The following OLFML1 variants were observed in gnomAD, a reference collection of about 807,000 sequenced individuals.
OLFML1 encodes olfactomedin-like protein 1.
A neutral mutation model predicts 37.3 loss-of-function variants in OLFML1; 33 were observed. The observed-to-expected ratio is 0.88, with a 90% CI of 0.67 to 1.18. The LOEUF (loss-of-function observed/expected upper bound fraction) is 1.18, where lower values mean the gene tolerates loss of function less well. OLFML1 is among the 50% of genes most tolerant of loss of function. OLFML1 has a pLI of 0.00. For synonymous variants in OLFML1, 186 were observed against 181.3 expected, an observed-to-expected ratio of 1.03 and a Z score of -0.21; for missense variants, 545 against 483.7, an observed-to-expected ratio of 1.13 and a Z score of -1.19.
rs2134191280 is a variant in OLFML1 at position 7,510,865 on chromosome 11, G to A, written c.*677G>A. ...TCCCCTAGCCCTGTCCTTCCACTAA[G>A]CTTGGTAGATGTAATAATAAAGTGA... On this transcript the variant is annotated 3_prime_UTR_variant, in exon 3 of 3. Coordinates refer to ENST00000329293, the MANE Select transcript of OLFML1 (RefSeq NM_198474.4). The A allele has an allele frequency of 6.6e-6, 1 of 152,270 alleles. No homozygotes were observed. The highest frequency in any genetic ancestry group is 2.1e-4 in the South Asian group (1 of 4,826). 9.4% of individuals were successfully genotyped at this position (152,270 alleles called of 1,614,324 possible). A position where few individuals can be genotyped will look rare whatever the true frequency, so the allele number is the denominator to read the frequency against.
At chr11:7,502,832 C>T (rs1289022899) in intron 2 of OLFML1, among the ~76,000 whole-genome samples, 1 of 152,148 alleles carries the variant, frequency 6.6e-6, no homozygotes, top group Non-Finnish European at 1.5e-5. Context: ...TCTTGAACCC[C>T]TGACCTTAGG....
Position 7,488,329 on chromosome 11 carries a change from G to A in OLFML1, c.332G>A (p.Cys111Tyr). 2 of 1,614,068 alleles carry A rather than the reference G, an allele frequency of 1.2e-6. No individual in the cohort carries two copies. The highest frequency in any genetic ancestry group is 2.2e-5 in the East Asian group (1 of 44,876). ...YIQYLREADE[C>Y]IESEDKTLAE... ...CAATACCTTCGAGAGGCTGACGAGT[G>A]CATCGAATCAGAGGACAAGACACTG... Residue 111 changes from cysteine to tyrosine, a missense_variant, in exon 2 of 3, where the codon TGC (cysteine) becomes TAC (tyrosine). Coordinates refer to ENST00000329293, the MANE Select transcript of OLFML1 (RefSeq NM_198474.4).
rs148992028 is a variant in OLFML1 at position 7,510,237 on chromosome 11, C to T, written c.*49C>T. 3,098 of 1,466,528 alleles carry T rather than the reference C, an allele frequency of 2.1e-3. 8 individuals carry two copies. The highest frequency in any genetic ancestry group is 1.9e-3 in the Non-Finnish European group (2,096 of 1,081,342). 90.8% of individuals were successfully genotyped at this position (1,466,528 alleles called of 1,614,324 possible). A position where few individuals can be genotyped will look rare whatever the true frequency, so the allele number is the denominator to read the frequency against. ...CACTGTGGCTTTGGCAGCTGTTCTA[C>T]AGGACAGTGAGGCTATAGCCCCTTC... On this transcript the variant is annotated 3_prime_UTR_variant, in exon 3 of 3. Transcript: ENST00000329293.
At chr11:7,499,593 T>C (rs530123345) in intron 2 of OLFML1, among the ~76,000 whole-genome samples, 1 of 152,328 alleles carries the variant, frequency 6.6e-6, no homozygotes, top group Non-Finnish European at 1.5e-5. Flanking sequence ...AAAGGGACTT[T>C]TGGGGAGACA....
rs770799922 is a variant in OLFML1 at position 7,509,610 on chromosome 11, C to A, written c.631C>A (p.Leu211Ile). Reference protein sequence around the residue: ...KPAPRKQILTLSWQGTGQVIY... With the variant: ...KPAPRKQILTISWQGTGQVIY... Reference sequence around the variant, plus strand: ...AGCTCCCCGGAAGCAAATCCTAACACTTTCCTGGCAGGGAACAGGCCAAGT... The same window carrying A: ...AGCTCCCCGGAAGCAAATCCTAACAATTTCCTGGCAGGGAACAGGCCAAGT... The change falls in exon 3 of 3, where the codon CTT becomes ATT. Residue 211 changes from leucine (L) to isoleucine (I), a missense_variant. By Grantham distance (5) the Leu-to-Ile change is conservative (BLOSUM62 2). Transcript: ENST00000329293. 3 of 1,614,222 alleles carry A rather than the reference C, an allele frequency of 1.9e-6. No homozygotes were observed. The highest frequency in any genetic ancestry group is 3.3e-5 in the Admixed American group (2 of 60,032).
chr11:7,491,104 T>C (rs1048219113), intron 2 of OLFML1, among the ~76,000 whole-genome samples: 2 of 149,730 alleles, frequency 1.3e-5, no homozygotes, highest in Non-Finnish European at 3.0e-5. Flanking sequence ...TGTGTGTATA[T>C]ATGTATTAAA....
rs777920045 is a variant in OLFML1, at chr11:7,486,023, C to T, written c.129+19C>T. ...CTTGGAGGTAGGTGGCATCTGTACA[C>T]CTTGGATAAGTAACAGGCTTCCCAG... On this transcript the variant is annotated intron_variant, in intron 1 of 2. Transcript: ENST00000329293. 8 of 1,609,840 alleles carry T rather than the reference C, an allele frequency of 5.0e-6. No homozygotes were observed. In the South Asian group the frequency reaches 8.8e-5, roughly 18 times the overall value.
chr11:7,500,452 T>C (rs1377554701), intron 2 of OLFML1, among the ~76,000 whole-genome samples: 3 of 152,154 alleles, frequency 2.0e-5, no homozygotes, highest in Middle Eastern at 6.3e-3. Context: ...CACGTCACCA[T>C]GCCCTTGGGG....
rs796298222 is a variant in OLFML1 at position 7,490,583 on chromosome 11, A to G, written c.418+2168A>G. Reference sequence around the variant, plus strand: ...GACTGGACTTGCTTTTTCAACCCCCATCCTCTGCCCCTCAGATCTGGTAGT... The same window carrying G: ...GACTGGACTTGCTTTTTCAACCCCCGTCCTCTGCCCCTCAGATCTGGTAGT... On this transcript the variant is annotated intron_variant, in intron 2 of 2. Coordinates refer to ENST00000329293, the MANE Select transcript of OLFML1 (RefSeq NM_198474.4). Among the ~76,000 whole-genome samples, 55 of 152,164 alleles carry G rather than the reference A, an allele frequency of 3.6e-4. 1 individual carries two copies. Among genetic ancestry groups the G allele is most frequent in the African/African-American group, 1.3e-3 (53 of 41,506 alleles).
chr11:7,508,646 G>A (rs553379275), intron 2 of OLFML1, among the ~76,000 whole-genome samples: 1 of 152,244 alleles, frequency 6.6e-6, no homozygotes, highest in Non-Finnish European at 1.5e-5. Flanking sequence ...CTTGCTCCTT[G>A]TAGGTATCCA....
At position 7,509,805 on chromosome 11, in the gene OLFML1, G is replaced by T. The variant is rs750223783; in HGVS notation, c.826G>T (p.Glu276Ter). Reference protein sequence around the residue: ...PSTYIDLAVDEHGLWAIHSGP... With the variant: ...PSTYIDLAVD ...AACTTACATTGACCTGGCTGTGGAT[G>T]AGCATGGGCTCTGGGCCATCCACTC... The change falls in exon 3 of 3, where the codon GAG becomes TAG. Residue 276 changes from glutamate (E) to a stop codon, truncating the protein, a stop_gained. Coordinates refer to ENST00000329293, the MANE Select transcript of OLFML1 (RefSeq NM_198474.4). LOFTEE classifies it high-confidence loss of function. The T allele has an allele frequency of 4.3e-6, 7 of 1,614,252 alleles. No individual in the cohort carries two copies. Among genetic ancestry groups the T allele is most frequent in the Non-Finnish European group, 5.9e-6 (7 of 1,180,046 alleles).
intron 2 of OLFML1, among the ~76,000 whole-genome samples, chr11:7,490,141 G>GC (rs1157776340): frequency 8.0e-6 from 1 of 125,626 alleles, no homozygotes; most frequent in Non-Finnish European, 1.7e-5. Context: ...GTGGGGGGGG[G>GC]GGCGGGGAAC....
chr11:7,494,446 T>C (rs915604261), intron 2 of OLFML1, among the ~76,000 whole-genome samples: 2 of 152,268 alleles, frequency 1.3e-5, no homozygotes, highest in Non-Finnish European at 2.9e-5. Context: ...CCCTGTGAGA[T>C]AGGTACTGTA....
chr11:7,500,847 G>A (rs558512846), intron 2 of OLFML1, among the ~76,000 whole-genome samples: 3 of 151,308 alleles, frequency 2.0e-5, no homozygotes, highest in African/African-American at 7.3e-5. Context: ...CCAGCCTGGT[G>A]AATGGAGCAA....
At chr11:7,500,909 AG>A (rs1204384161) in intron 2 of OLFML1, among the ~76,000 whole-genome samples, 1 of 152,162 alleles carries the variant, frequency 6.6e-6, no homozygotes, top group Non-Finnish European at 1.5e-5. Flanking sequence ...ACTTAAAAAA[AG>A]AATTATATGA....
intron 2 of OLFML1, among the ~76,000 whole-genome samples, chr11:7,505,222 C>T (rs78389294): frequency 0.092 from 13,902 of 151,804 alleles, 776 homozygotes; most frequent in Admixed American, 0.16. Context: ...GTGTGAGCCA[C>T]GGTGCCTGGT....
At chr11:7,501,530 T>G (rs1375478031) in intron 2 of OLFML1, among the ~76,000 whole-genome samples, 1 of 152,140 alleles carries the variant, frequency 6.6e-6, no homozygotes, top group Non-Finnish European at 1.5e-5. Context: ...CTGGCCACAG[T>G]GTGAGACAGG....
intron 2 of OLFML1, among the ~76,000 whole-genome samples, chr11:7,489,871 T>C (rs1848574401): frequency 6.6e-6 from 1 of 152,104 alleles, no homozygotes; most frequent in Admixed American, 6.5e-5. Flanking sequence ...CTTATTACTC[T>C]ATAATTTTTT....
At chr11:7,506,524 G>A (rs1320356939) in intron 2 of OLFML1, among the ~76,000 whole-genome samples, 1 of 152,152 alleles carries the variant, frequency 6.6e-6, no homozygotes, top group Non-Finnish European at 1.5e-5. Context: ...GGGGCAGTGT[G>A]GGGAAGATAT....
Sources: allele counts gnomAD v4.1 joint callset (sites outside exome capture counted in the v4.1 genomes callset), GRCh38; gene constraint gnomAD v4.1.1; transcripts MANE v1.5; gene names NCBI Gene and HGNC (gene_info 2026-07-23, HGNC 2026-07-21).